The following DNAAF9 variants were observed in gnomAD, a reference collection of about 807,000 sequenced individuals.
The protein encoded by DNAAF9 is shulin.
Under a neutral mutation model 167.0 loss-of-function variants are expected in DNAAF9, and 90 were observed. That is an observed-to-expected ratio of 0.54 (90% CI 0.45 to 0.64). The LOEUF (loss-of-function observed/expected upper bound fraction) is 0.64. Among genes scored for constraint, DNAAF9 ranks in the 30% least tolerant of loss-of-function variants. DNAAF9 has a pLI of 0.00. For synonymous variants in DNAAF9, 491 were observed against 508.8 expected (o/e 0.96, Z 0.47); for missense variants, 1,315 against 1,442.2 (o/e 0.91, Z 1.43).
At position 3,366,155 on chromosome 20, in the gene DNAAF9, AT is replaced by A. The variant is rs992152229; in HGVS notation, c.613-6563del. 8.6e-4 allele frequency among the ~76,000 whole-genome samples: 130 copies of A among 151,590 alleles called. 1 individual carries two copies. Among genetic ancestry groups the A allele is most frequent in the African/African-American group, 3.0e-3 (124 of 41,350 alleles). ...GTGAATCTTTTTGAGAAGGCTTTCAATTTTTTTTTGCCCAGATCCATCAGAG... is the reference window on the plus strand; with the variant it reads ...GTGAATCTTTTTGAGAAGGCTTTCAATTTTTTTTGCCCAGATCCATCAGAG... On this transcript the variant is annotated intron_variant, in intron 6 of 36. Coordinates refer to ENST00000252032, the MANE Select transcript of DNAAF9 (RefSeq NM_001009984.3).
chr20:3,282,178 G>A (rs2281500), intron 27 of DNAAF9, among the ~76,000 whole-genome samples: 31,266 of 151,880 alleles, frequency 0.21, 3,528 homozygotes, highest in African/African-American at 0.28. Flanking sequence ...AAGAGAGTGC[G>A]TCCGGACCCA....
chr20:3,357,467 G>A (rs1430121507), intron 7 of DNAAF9, among the ~76,000 whole-genome samples: 1 of 151,892 alleles, frequency 6.6e-6, no homozygotes, highest in Non-Finnish European at 1.5e-5. Context: ...GTGAGACTCT[G>A]TCTCAAAAAA....
At chr20:3,269,963 A>G (rs536240312) in intron 30 of DNAAF9, among the ~76,000 whole-genome samples, 18 of 151,472 alleles carry the variant, frequency 1.2e-4, no homozygotes, top group Non-Finnish European at 2.1e-4. Context: ...GTCTCAAAAA[A>G]AAAAAAAACA....
intron 20 of DNAAF9, among the ~76,000 whole-genome samples, chr20:3,305,933 G>GA (rs1448975784): frequency 6.6e-6 from 1 of 152,078 alleles, no homozygotes; most frequent in Non-Finnish European, 1.5e-5. Flanking sequence ...CTCTGAAAAG[G>GA]AGGCTAATCA....
chr20:3,343,880 T>G, intron 8 of DNAAF9, 149 bp from the exon 9 acceptor site: 1 of 527,174 alleles, frequency 1.9e-6, no homozygotes, highest in Non-Finnish European at 3.4e-6. Flanking sequence ...TGTGCGTGTG[T>G]GTGACAGAGA....
At chr20:3,374,811 C>T (rs2083553759) in intron 5 of DNAAF9, among the ~76,000 whole-genome samples, 1 of 152,148 alleles carries the variant, frequency 6.6e-6, no homozygotes, top group South Asian at 2.1e-4. Context: ...AGTTCTTCTA[C>T]CTGATTTTGG....
At chr20:3,260,113 G>A (rs375229902) in intron 31 of DNAAF9, 85 bp from the exon 32 acceptor site, 2 of 701,378 alleles carry the variant, frequency 2.9e-6, no homozygotes, top group Non-Finnish European at 5.1e-6. Context: ...GCCGAGGCGG[G>A]TGGATCATGA....
intron 23 of DNAAF9, chr20:3,296,471 G>GTAACCTC (rs2069081941): frequency 3.5e-6 from 1 of 283,660 alleles, no homozygotes; most frequent in Non-Finnish European, 6.8e-6. Context: ...TTGAATTCCT[G>GTAACCTC]GGCTCAAGTA....
chr20:3,331,568 C>T (rs1397552957), intron 11 of DNAAF9, among the ~76,000 whole-genome samples: 1 of 152,180 alleles, frequency 6.6e-6, no homozygotes, highest in Non-Finnish European at 1.5e-5. Context: ...TGCTCCTGCT[C>T]CTAAGTACCC....
intron 1 of DNAAF9, among the ~76,000 whole-genome samples, chr20:3,405,621 T>C (rs535216329): frequency 6.6e-6 from 1 of 152,322 alleles, no homozygotes; most frequent in South Asian, 2.1e-4. Flanking sequence ...AGTTCGGGTA[T>C]GATCAGTAAA....
Position 3,252,470 on chromosome 20 carries a change from C to G in DNAAF9, c.*102G>C, listed in dbSNP as rs1335671119. The G allele has an allele frequency of 2.8e-6, 2 of 719,624 alleles. No individual in the cohort carries two copies. Among genetic ancestry groups the G allele is most frequent in the East Asian group, 5.0e-5 (2 of 40,206 alleles). The allele number at this position is 719,624 out of a possible 1,614,324, so 44.6% of individuals were successfully genotyped here. On this transcript the variant is annotated 3_prime_UTR_variant, in exon 37 of 37. Transcript: ENST00000252032. ...CCACACAGGCCAAGGAGAACAAAGACAGCCCCTTAAGGGAGAGGCCTCCAG... is the reference window on the plus strand; with the variant it reads ...CCACACAGGCCAAGGAGAACAAAGAGAGCCCCTTAAGGGAGAGGCCTCCAG...
At chr20:3,364,971 C>T (rs6037577) in intron 6 of DNAAF9, among the ~76,000 whole-genome samples, 67,698 of 145,188 alleles carry the variant, frequency 0.47, 15,878 homozygotes, top group Middle Eastern at 0.55. Flanking sequence ...TGAAATAGAG[C>T]CTCCTTCTGT....
intron 25 of DNAAF9, among the ~76,000 whole-genome samples, chr20:3,293,928 G>T (rs6115841): frequency 0.013 from 1,979 of 152,254 alleles, 47 homozygotes; most frequent in African/African-American, 0.044. Context: ...ACTGTCATGA[G>T]GCTTGGCTGG....
chr20:3,365,145 A>T (rs947092031), intron 6 of DNAAF9, among the ~76,000 whole-genome samples: 4 of 151,680 alleles, frequency 2.6e-5, no homozygotes, highest in Non-Finnish European at 5.9e-5. Context: ...TTAAAACAAA[A>T]ATCTGTTTTT....
chr20:3,368,895 A>C (rs2083470144), intron 6 of DNAAF9, among the ~76,000 whole-genome samples: 1 of 108 alleles, frequency 9.3e-3, no homozygotes, highest in Non-Finnish European at 0.02. Context: ...AGCTTTCAGA[A>C]GCCGAGAAGG....
intron 7 of DNAAF9, among the ~76,000 whole-genome samples, chr20:3,350,490 G>C (rs1273984406): frequency 6.6e-6 from 1 of 152,110 alleles, no homozygotes; most frequent in African/African-American, 2.4e-5. Context: ...GACAGAGAGA[G>C]AGAAAGAGAC....
intron 26 of DNAAF9, 147 bp downstream of exon 26, chr20:3,289,982 T>C (rs2068921153): frequency 3.0e-6 from 2 of 663,568 alleles, no homozygotes; most frequent in South Asian, 3.6e-5. Flanking sequence ...ATACAGGAAG[T>C]GCTCAGAAGA....
chr20:3,357,463 C>T (rs894487765), intron 7 of DNAAF9, among the ~76,000 whole-genome samples: 2 of 152,070 alleles, frequency 1.3e-5, no homozygotes, highest in African/African-American at 4.8e-5. Context: ...CAGAGTGAGA[C>T]TCTGTCTCAA....
intron 1 of DNAAF9, among the ~76,000 whole-genome samples, chr20:3,399,729 C>T (rs1200941389): frequency 1.3e-5 from 2 of 152,162 alleles, no homozygotes; most frequent in Non-Finnish European, 2.9e-5. Flanking sequence ...ATTCTGTGAT[C>T]ATGGAGCTAT....
Sources: allele counts gnomAD v4.1 joint callset (sites outside exome capture counted in the v4.1 genomes callset), GRCh38; gene constraint gnomAD v4.1.1; transcripts MANE v1.5; gene names NCBI Gene and HGNC (gene_info 2026-07-23, HGNC 2026-07-21).